NPC1: variants seen among roughly 807,000 people sequenced by gnomAD.
The protein encoded by NPC1 is NPC intracellular cholesterol transporter 1, also known as Niemann-Pick C1 protein.
A neutral mutation model predicts 140.4 loss-of-function variants in NPC1; 85 were observed. The observed-to-expected ratio is 0.61, with a 90% CI of 0.51 to 0.72. NPC1 has a LOEUF of 0.72. NPC1 is among the 30% of genes least tolerant of loss of function. The pLI, the probability that NPC1 is intolerant of heterozygous loss-of-function variation, is 0.00. For synonymous variants in NPC1, 656 were observed against 624.8 expected (o/e 1.05, Z -0.74); for missense variants, 1,504 against 1,623.8 (o/e 0.93, Z 1.27).
Position 23,572,148 on chromosome 18 carries a change from G to A in NPC1, c.213C>T (p.Val71=), listed in dbSNP as rs753059497. 6 of 1,613,446 alleles carry A rather than the reference G, an allele frequency of 3.7e-6. No homozygotes were observed. Among genetic ancestry groups the A allele is most frequent in the Non-Finnish European group, 3.4e-6 (4 of 1,179,578 alleles). ...ELCPGFFFGN[V]SLCCDVRQLQ... ...GCTGCCGAACATCACAACAGAGACTGACATTGCCAAAGAAGAATCCTGGAC... is the reference window on the plus strand; with the variant it reads ...GCTGCCGAACATCACAACAGAGACTAACATTGCCAAAGAAGAATCCTGGAC... The change falls in exon 3 of 25, where the codon GTC becomes GTT. Residue 71 remains valine (V), a synonymous_variant. Transcript: ENST00000269228.
intron 24 of NPC1, among the ~76,000 whole-genome samples, chr18:23,532,651 G>A (rs1419133948): frequency 6.7e-6 from 1 of 150,054 alleles, no homozygotes; most frequent in Non-Finnish European, 1.5e-5. Context: ...GCCTAGGCTG[G>A]TCTCAAACGA....
downstream of NPC1, among the ~76,000 whole-genome samples, chr18:23,520,865 A>G (rs1010759237): frequency 1.3e-5 from 2 of 152,078 alleles, no homozygotes; most frequent in African/African-American, 4.8e-5. Context: ...ACAGGCGTGC[A>G]CCACCACGCC....
chr18:23,575,558 G>A (rs1024353617), intron 1 of NPC1, among the ~76,000 whole-genome samples: 6 of 151,992 alleles, frequency 3.9e-5, no homozygotes, highest in African/African-American at 1.2e-4. Context: ...GGGCCTATCT[G>A]TACATATATA....
At chr18:23,562,616 T>C (rs1476124716) in intron 4 of NPC1, among the ~76,000 whole-genome samples, 5 of 152,200 alleles carry the variant, frequency 3.3e-5, no homozygotes, top group Non-Finnish European at 5.9e-5. Context: ...TTCCAGGCTC[T>C]ATCATGGCTG....
chr18:23,536,715 G>A lies in NPC1; in HGVS notation c.3203C>T (p.Thr1068Ile), dbSNP rs754323286. Reference sequence around the variant, plus strand: ...GTAGGCACTGCCGTTAATGCCCATGGTTTCGGTGACATTACTGGCTATAAG... The same window carrying A: ...GTAGGCACTGCCGTTAATGCCCATGATTTCGGTGACATTACTGGCTATAAG... ...ARLIASNVTE[T>I]MGINGSAYRV... The change falls in exon 21 of 25, where the codon ACC (threonine) becomes ATC (isoleucine). Residue 1068 changes from threonine to isoleucine, a missense_variant. Transcript: ENST00000269228. 7.4e-5 allele frequency: 120 copies of A among 1,614,090 alleles called. 1 individual carries two copies. The highest frequency in any genetic ancestry group is 1.0e-4 in the Non-Finnish European group (119 of 1,180,048).
chr18:23,523,560 A>AG (rs2058204511), intron 1 of NPC1, among the ~76,000 whole-genome samples: 6 of 148,768 alleles, frequency 4.0e-5, no homozygotes, highest in African/African-American at 1.5e-4. Context: ...AAAAAAAAAA[A>AG]AAAAAAAAAG....
chr18:23,531,892 C>A lies in NPC1; in HGVS notation c.*310G>T. On this transcript the variant is annotated 3_prime_UTR_variant, in exon 25 of 25. Coordinates refer to ENST00000269228, the MANE Select transcript of NPC1 (RefSeq NM_000271.5). ...CAGACAGTGCATTGATTGGCCTTTA[C>A]AGAGTGTCAGTGAGCGGATCACATT... 7.0e-7 allele frequency: 1 copy of A among 1,420,210 alleles called. No individual in the cohort carries two copies. The highest frequency in any genetic ancestry group is 1.5e-5 in the South Asian group (1 of 66,560). 88.0% of individuals were successfully genotyped at this position (1,420,210 alleles called of 1,614,324 possible). A position where few individuals can be genotyped will look rare whatever the true frequency, so the allele number is the denominator to read the frequency against.
At chr18:23,564,532 A>T (rs2059094190) in intron 4 of NPC1, among the ~76,000 whole-genome samples, 1 of 152,034 alleles carries the variant, frequency 6.6e-6, no homozygotes, top group African/African-American at 2.4e-5. Context: ...TTTGTCACCC[A>T]GGCTGGTCTT....
Position 23,544,952 on chromosome 18 carries a change from C to CCCCCGG in NPC1, c.1947+7_1947+8insCCGGGG. Reference sequence around the variant, plus strand: ...CTCTAGAACATACACCACCCCCCCCCGGCTTACCAGAAGCCTGCGACAGCT... The same window carrying CCCCCGG: ...CTCTAGAACATACACCACCCCCCCCCCCCCGGGGCTTACCAGAAGCCTGCGACAGCT... On this transcript the variant is annotated splice_region_variant and intron_variant, in intron 12 of 24. Coordinates refer to ENST00000269228, the MANE Select transcript of NPC1 (RefSeq NM_000271.5). 1.4e-6 allele frequency: 2 copies of CCCCCGG among 1,430,712 alleles called. No individual in the cohort carries two copies. The highest frequency in any genetic ancestry group is 2.0e-6 in the Non-Finnish European group (2 of 1,025,406). The allele number at this position is 1,430,712 out of a possible 1,614,324, so 88.6% of individuals were successfully genotyped here.
At chr18:23,543,323 C>T (rs1317028984) in intron 14 of NPC1, 132 bp downstream of exon 14, 16 of 591,312 alleles carry the variant, frequency 2.7e-5, no homozygotes, top group Admixed American at 1.6e-4. Context: ...AGTGAGACTC[C>T]GTCTCAGAGA....
At chr18:23,572,843 C>A (rs1022593846) in intron 2 of NPC1, among the ~76,000 whole-genome samples, 10 of 152,146 alleles carry the variant, frequency 6.6e-5, no homozygotes, top group Non-Finnish European at 1.2e-4. Context: ...CCTTCTGTCT[C>A]AAAAACAGAA....
At position 23,556,994 on chromosome 18, in the gene NPC1, G is replaced by A. The variant is rs188079402; in HGVS notation, c.955+123C>T. The A allele has an allele frequency of 7.4e-5, 61 of 829,564 alleles. No homozygotes were observed. The East Asian group carries it at 9.5e-4, about 13-fold the overall frequency. The allele number at this position is 829,564 out of a possible 1,614,324, so 51.4% of individuals were successfully genotyped here. On this transcript the variant is annotated intron_variant, in intron 7 of 24. Transcript: ENST00000269228. ...GGCAAGGACCATGTCTGCCTTGGTC[G>A]CAGCCGTGTCCTCGGCACTGGCACA...
intron 7 of NPC1, 89 bp downstream of exon 7, chr18:23,557,028 C>G: frequency 9.2e-7 from 1 of 1,085,900 alleles, no homozygotes; most frequent in Non-Finnish European, 1.4e-6. Context: ...CACCACCTCA[C>G]CCACTGCTGC....
chr18:23,529,495 G>A, downstream of NPC1: 3 of 1,243,138 alleles, frequency 2.4e-6, no homozygotes, highest in Non-Finnish European at 3.4e-6. Context: ...GGTGGTTCTG[G>A]AGCGATGTGT....
At chr18:23,577,486 T>C (rs1599019904) in intron 1 of NPC1, among the ~76,000 whole-genome samples, 1 of 152,120 alleles carries the variant, frequency 6.6e-6, no homozygotes, top group East Asian at 1.9e-4. Flanking sequence ...CACAGGGTGC[T>C]GATTGGTGTA....
chr18:23,529,798 G>A (rs1327546047), downstream of NPC1: 5 of 1,311,750 alleles, frequency 3.8e-6, no homozygotes, highest in Admixed American at 3.6e-5. Flanking sequence ...TGACTCATAT[G>A]CTAAGACAGG....
rs923334902 is a variant in NPC1, at chr18:23,544,437, C to G, written c.2037G>C (p.Gly679=). The G allele has an allele frequency of 6.2e-7, 1 of 1,614,134 alleles. No individual in the cohort carries two copies. Among genetic ancestry groups the G allele is most frequent in the Non-Finnish European group, 8.5e-7 (1 of 1,180,008 alleles). Residue 679 remains glycine, a synonymous_variant, in exon 13 of 25, where the codon GGG becomes GGC. Coordinates refer to ENST00000269228, the MANE Select transcript of NPC1 (RefSeq NM_000271.5). ...CAATCACAATGAGGGTCAAGGGCAA[C>G]CCAATGTAGCTGAAGACACCCAAGG... is the stretch of plus-strand genomic sequence containing the variant. ...ACSLGVFSYI[G]LPLTLIVIEV...
intron 4 of NPC1, among the ~76,000 whole-genome samples, chr18:23,562,053 G>A (rs889625027): frequency 2.0e-5 from 3 of 152,146 alleles, no homozygotes; most frequent in African/African-American, 7.2e-5. Flanking sequence ...ACTCTGGGAG[G>A]CCGAGGTGGG....
In NPC1 at chr18:23,556,488, T is replaced by C. The variant is rs767510147; in HGVS notation, c.1081A>G (p.Ile361Val). Residue 361 changes from isoleucine to valine, a missense_variant, in exon 8 of 25, where the codon ATT becomes GTT. Transcript: ENST00000269228. ...GCVIFFSLVF[I>V]TACSSGLVFV... is the part of the protein sequence containing the mutation. ...ACCAGGCCTGACGAACACGCAGTAA[T>C]GAAGACCAGCGAGAAGAAAATGACA... 2 of 1,614,024 alleles carry C rather than the reference T, an allele frequency of 1.2e-6. No individual in the cohort carries two copies. Among genetic ancestry groups the C allele is most frequent in the South Asian group, 1.1e-5 (1 of 91,080 alleles).
Sources: gnomAD v4.1 joint callset for allele counts (sites outside exome capture counted in the v4.1 genomes callset) on GRCh38, gnomAD v4.1.1 for gene constraint, MANE v1.5 for transcripts, NCBI Gene and HGNC (gene_info 2026-07-23, HGNC 2026-07-21) for gene names.